RFX3: variants seen among roughly 807,000 people sequenced by gnomAD.
RFX3 encodes transcription factor RFX3.
A neutral mutation model predicts 98.6 loss-of-function variants in RFX3; 14 were observed. The ratio of observed to expected loss-of-function variants is 0.14; its 90% CI spans 0.09 to 0.22. The LOEUF (loss-of-function observed/expected upper bound fraction) is 0.22, where lower values mean the gene tolerates loss of function less well. Ranked by LOEUF, RFX3 falls within the 10% of genes least tolerant of loss-of-function variation. The pLI is 1.00. For synonymous variants in RFX3, 383 were observed against 328.4 expected (o/e 1.17, Z -1.80); for missense variants, 639 against 926.9 (o/e 0.69, Z 4.03).
intron 2 of RFX3, among the ~76,000 whole-genome samples, chr9:3,374,087 C>CGT (rs1202761733): frequency 1.4e-5 from 2 of 143,332 alleles, no homozygotes; most frequent in Non-Finnish European, 3.0e-5. Context: ...CACACACACA[C>CGT]GCGCGCACAC....
intron 2 of RFX3, among the ~76,000 whole-genome samples, chr9:3,384,294 C>T (rs578029078): frequency 6.6e-6 from 1 of 152,206 alleles, no homozygotes; most frequent in South Asian, 2.1e-4. Flanking sequence ...CATGAAAGAG[C>T]CTTTGAAAAA....
intron 1 of RFX3, among the ~76,000 whole-genome samples, chr9:3,427,901 T>C (rs1250114853): frequency 1.3e-5 from 2 of 152,034 alleles, no homozygotes; most frequent in Admixed American, 6.6e-5. Context: ...CCGCTCCAGA[T>C]TCCAGCTGCT....
chr9:3,282,370 C>G (rs1391637622), intron 7 of RFX3, among the ~76,000 whole-genome samples: 1 of 151,758 alleles, frequency 6.6e-6, no homozygotes, highest in Non-Finnish European at 1.5e-5. Context: ...TTGTTGGTGG[C>G]TCTCTGAGTA....
chr9:3,453,441 C>T (rs1303856237), intron 1 of RFX3: 2 of 151,974 alleles, frequency 1.3e-5, no homozygotes, highest in Non-Finnish European at 2.9e-5. Context: ...TGGCTCATGC[C>T]TGTAATGCTG....
intron 6 of RFX3, among the ~76,000 whole-genome samples, chr9:3,291,084 G>C (rs113643620): frequency 0.04 from 6,068 of 152,288 alleles, 388 homozygotes; most frequent in African/African-American, 0.14. Context: ...GCCTTGCTGG[G>C]CTGGGTGCGG....
chr9:3,370,268 TATTA>T (rs1417138017), intron 2 of RFX3, among the ~76,000 whole-genome samples: 1 of 151,430 alleles, frequency 6.6e-6, no homozygotes, highest in Non-Finnish European at 1.5e-5. Flanking sequence ...TTCAATTCAA[TATTA>T]ATTATTTATC....
chr9:3,434,248 T>C (rs1052195834), intron 1 of RFX3, among the ~76,000 whole-genome samples: 1 of 152,106 alleles, frequency 6.6e-6, no homozygotes, highest in South Asian at 2.1e-4. Flanking sequence ...TGACACGTAA[T>C]AAAGCACTCA....
intron 2 of RFX3, among the ~76,000 whole-genome samples, chr9:3,356,455 A>C (rs1039203569): frequency 3.9e-5 from 6 of 151,918 alleles, no homozygotes; most frequent in African/African-American, 1.4e-4. Flanking sequence ...GCCCCAAAAC[A>C]CCCAATCCCA....
At chr9:3,507,644 C>G (rs1323274365) in intron 1 of RFX3, among the ~76,000 whole-genome samples, 1 of 151,744 alleles carries the variant, frequency 6.6e-6, no homozygotes, top group East Asian at 1.9e-4. Flanking sequence ...AAAAGGGTGC[C>G]CAACTCTCTT....
intron 2 of RFX3, among the ~76,000 whole-genome samples, chr9:3,374,567 G>A (rs775156136): frequency 2.6e-5 from 4 of 152,134 alleles, no homozygotes; most frequent in African/African-American, 4.8e-5. Context: ...GCTACAACAC[G>A]GATGAACTTT....
At position 3,441,081 on chromosome 9, in the gene RFX3, A is replaced by G. The variant is rs147251651; in HGVS notation, c.-8-45485T>C. 9.2e-5 allele frequency among the ~76,000 whole-genome samples: 14 copies of G among 152,316 alleles called. No homozygotes were observed. In the East Asian group the frequency reaches 2.7e-3, roughly 29 times the overall value. ...ACACCATACACAAAATTAACTAAAA[A>G]TGAATTGCAGGGTATAGGCTAACAA... On this transcript the variant is annotated intron_variant, in intron 1 of 16. Transcript: ENST00000617270.
intron 1 of RFX3, among the ~76,000 whole-genome samples, chr9:3,504,944 AATATAAT>A (rs1816738812): frequency 1.7e-5 from 1 of 59,328 alleles, no homozygotes; most frequent in Non-Finnish European, 2.5e-5. Flanking sequence ...TAATATATAT[AATATAAT>A]ATATATTATA....
At chr9:3,318,082 C>T (rs1283367232) in intron 4 of RFX3, among the ~76,000 whole-genome samples, 1 of 152,182 alleles carries the variant, frequency 6.6e-6, no homozygotes, top group Non-Finnish European at 1.5e-5. Context: ...CGTATGTTTA[C>T]TGCAGCACTA....
At chr9:3,336,091 C>A (rs1324868803) in intron 3 of RFX3, among the ~76,000 whole-genome samples, 2 of 152,076 alleles carry the variant, frequency 1.3e-5, no homozygotes, top group African/African-American at 4.8e-5. Flanking sequence ...ATAAAATCAA[C>A]CAATGGCATG....
chr9:3,231,621 G>C (rs1818460942), intron 15 of RFX3, among the ~76,000 whole-genome samples: 1 of 152,002 alleles, frequency 6.6e-6, no homozygotes, highest in African/African-American at 2.4e-5. Context: ...CTTAGAAATG[G>C]AAACCAATTG....
rs370281789 is a variant in RFX3, at chr9:3,396,561, C to T, written c.-8-965G>A. 6.9e-4 allele frequency among the ~76,000 whole-genome samples: 105 copies of T among 152,188 alleles called. 2 individuals are homozygous for T. The East Asian group carries it at 7.3e-3, about 11-fold the overall frequency. ...AATCCTTTGGGTATATACCCAGTAACGGGATGGCTGGGTCAAATGGTATTT... is the reference window on the plus strand; with the variant it reads ...AATCCTTTGGGTATATACCCAGTAATGGGATGGCTGGGTCAAATGGTATTT... On this transcript the variant is annotated intron_variant, in intron 1 of 16. Coordinates refer to ENST00000617270, the MANE Select transcript of RFX3 (RefSeq NM_001282116.2).
intron 6 of RFX3, among the ~76,000 whole-genome samples, chr9:3,291,229 G>T (rs1280519574): frequency 1.3e-5 from 2 of 152,104 alleles, no homozygotes; most frequent in Non-Finnish European, 2.9e-5. Flanking sequence ...TCTGGGCGTG[G>T]TGGAGTGGGG....
intron 7 of RFX3, among the ~76,000 whole-genome samples, chr9:3,283,219 T>C (rs1389814053): frequency 6.6e-6 from 1 of 151,792 alleles, no homozygotes; most frequent in African/African-American, 2.4e-5. Flanking sequence ...CCAGGCTTCA[T>C]TCTCCTCCAA....
intron 1 of RFX3, among the ~76,000 whole-genome samples, chr9:3,418,588 C>T (rs1294948913): frequency 6.6e-6 from 1 of 152,114 alleles, no homozygotes; most frequent in Admixed American, 6.5e-5. Context: ...CCAAGTTGGC[C>T]AGGCTGGTCT....
Sources: allele counts gnomAD v4.1 joint callset (sites outside exome capture counted in the v4.1 genomes callset), GRCh38; gene constraint gnomAD v4.1.1; transcripts MANE v1.5; gene names NCBI Gene and HGNC (gene_info 2026-07-23, HGNC 2026-07-21).